Variants in COL14A1 observed in about 807,000 individuals in gnomAD.
COL14A1 encodes the protein collagen type XIV alpha 1 chain.
Under a neutral mutation model 230.3 loss-of-function variants are expected in COL14A1, and 136 were observed. The ratio of observed to expected loss-of-function variants is 0.59; its 90% CI spans 0.51 to 0.68. The LOEUF (loss-of-function observed/expected upper bound fraction) is 0.68. Among genes scored for constraint, COL14A1 ranks in the 30% least tolerant of loss-of-function variants. COL14A1 has a pLI of 0.00. For synonymous variants in COL14A1, 792 were observed against 784.1 expected (o/e 1.01, Z -0.17); for missense variants, 1,976 against 2,215.8 (o/e 0.89, Z 2.17).
At chr8:120,225,602 A>G (rs1368276456) in intron 15 of COL14A1, among the ~76,000 whole-genome samples, 1 of 152,202 alleles carries the variant, frequency 6.6e-6, no homozygotes, top group African/African-American at 2.4e-5. Flanking sequence ...GCCCACAAAA[A>G]TGACAGTCTC....
At chr8:120,167,290 G>C (rs1563647278) in intron 4 of COL14A1, among the ~76,000 whole-genome samples, 1 of 152,170 alleles carries the variant, frequency 6.6e-6, no homozygotes, top group Non-Finnish European at 1.5e-5. Context: ...GGGTGGTTCA[G>C]AGGAAATCAT....
chr8:120,334,341 A>AAAGTATATAAAGT (rs1821977172), intron 42 of COL14A1, among the ~76,000 whole-genome samples: 1 of 151,932 alleles, frequency 6.6e-6, no homozygotes, highest in Non-Finnish European at 1.5e-5. Flanking sequence ...TATCCTTAGT[A>AAAGTATATAAAGT]ATCACTTTAT....
intron 26 of COL14A1, among the ~76,000 whole-genome samples, chr8:120,272,547 A>G (rs1484498197): frequency 6.6e-6 from 1 of 151,700 alleles, no homozygotes; most frequent in Non-Finnish European, 1.5e-5. Flanking sequence ...TCTTTAAGAG[A>G]CTCACCTAAC....
At chr8:120,257,065 T>C (rs1398189975) in intron 23 of COL14A1, among the ~76,000 whole-genome samples, 1 of 152,240 alleles carries the variant, frequency 6.6e-6, no homozygotes, top group Non-Finnish European at 1.5e-5. Context: ...GAGAGTTTTA[T>C]CAGAGGATAT....
chr8:120,350,830 A>G (rs1434988478), intron 45 of COL14A1, among the ~76,000 whole-genome samples: 1 of 151,842 alleles, frequency 6.6e-6, no homozygotes, highest in Non-Finnish European at 1.5e-5. Flanking sequence ...CAGATCAACG[A>G]GACAGAAAGT....
intron 22 of COL14A1, among the ~76,000 whole-genome samples, chr8:120,253,120 A>G (rs1270861903): frequency 6.6e-6 from 1 of 152,108 alleles, no homozygotes; most frequent in Non-Finnish European, 1.5e-5. Flanking sequence ...TTCCTTAGTT[A>G]TACCACAGCA....
rs907087865 is a variant in COL14A1, at chr8:120,285,987, A to G, written c.4077+17A>G. On this transcript the variant is annotated intron_variant, in intron 33 of 47. Coordinates refer to ENST00000297848, the MANE Select transcript of COL14A1 (RefSeq NM_021110.4). ...TTTCACAAGGTTAGTAATGCTTTGT[A>G]TGCATATATTCTTTATTCTATTTGC... The G allele has an allele frequency of 2.3e-6, 3 of 1,300,962 alleles. No individual in the cohort carries two copies. Among genetic ancestry groups the G allele is most frequent in the African/African-American group, 2.9e-5 (2 of 68,624 alleles). 80.6% of individuals were successfully genotyped at this position (1,300,962 alleles called of 1,614,324 possible).
intron 40 of COL14A1, among the ~76,000 whole-genome samples, chr8:120,324,926 T>C (rs1024721246): frequency 2.0e-5 from 3 of 152,076 alleles, no homozygotes; most frequent in Non-Finnish European, 4.4e-5. Flanking sequence ...ACCTAGAAAC[T>C]ATAAACTTTT....
At chr8:120,260,819 A>C (rs893717140) in intron 23 of COL14A1, among the ~76,000 whole-genome samples, 10 of 152,156 alleles carry the variant, frequency 6.6e-5, no homozygotes, top group African/African-American at 1.9e-4. Flanking sequence ...TCTAGCCATC[A>C]TGTTTGTACA....
At position 120,329,115 on chromosome 8, in the gene COL14A1, A is replaced by T. The variant is rs533047879; in HGVS notation, c.4660-3026A>T. On this transcript the variant is annotated intron_variant, in intron 40 of 47. Transcript: ENST00000297848. ...TTCTAAGAACTTCATCTGAGAAATA[A>T]GAATATATTATTATAAACTTATAAA... Among the ~76,000 whole-genome samples the T allele has an allele frequency of 1.9e-3, 285 of 152,336 alleles. 2 individuals are homozygous for T. The highest frequency in any genetic ancestry group is 6.8e-3 in the African/African-American group (281 of 41,572).
chr8:120,250,562 G>T, intron 21 of COL14A1, 55 bp from the exon 22 acceptor site: 11 of 1,570,166 alleles, frequency 7.0e-6, no homozygotes, highest in African/African-American at 1.4e-5. Context: ...ATCTAAGAGT[G>T]CTTCTATTTT....
chr8:120,294,806 G>T (rs1011461212), intron 34 of COL14A1, among the ~76,000 whole-genome samples: 4 of 151,710 alleles, frequency 2.6e-5, no homozygotes, highest in Admixed American at 6.6e-5. Context: ...CAAAGAAAAA[G>T]CTGCTGACAT....
Position 120,273,667 on chromosome 8 carries a change from A to G in COL14A1, c.3213+3493A>G, listed in dbSNP as rs991749793. Among the ~76,000 whole-genome samples the G allele has an allele frequency of 6.6e-5, 10 of 151,722 alleles. 1 individual carries two copies. Among genetic ancestry groups the G allele is most frequent in the Admixed American group, 2.6e-4 (4 of 15,180 alleles). On this transcript the variant is annotated intron_variant, in intron 26 of 47. Transcript: ENST00000297848. ...ATTCAAGACTATTATGAACACCTCT[A>G]TACATAGAAACTACAAAATCTGAAG...
intron 37 of COL14A1, among the ~76,000 whole-genome samples, chr8:120,310,761 C>A (rs1399592326): frequency 1.3e-5 from 2 of 152,186 alleles, no homozygotes; most frequent in African/African-American, 2.4e-5. Context: ...TCACATCTGC[C>A]CCCAGATTAA....
At chr8:120,297,792 A>C (rs528134873) in intron 35 of COL14A1, among the ~76,000 whole-genome samples, 4 of 152,014 alleles carry the variant, frequency 2.6e-5, no homozygotes, top group Non-Finnish European at 5.9e-5. Context: ...TGCCCAACTC[A>C]GAGGGTGCTA....
At chr8:120,140,006 TGACA>T (rs1339356248) in intron 1 of COL14A1, among the ~76,000 whole-genome samples, 2 of 152,060 alleles carry the variant, frequency 1.3e-5, no homozygotes, top group Admixed American at 1.3e-4. Context: ...CCAGCCTGGG[TGACA>T]GACAGAGATC....
chr8:120,257,904 C>G (rs1317696932), intron 23 of COL14A1, among the ~76,000 whole-genome samples: 1 of 152,050 alleles, frequency 6.6e-6, no homozygotes, highest in Non-Finnish European at 1.5e-5. Flanking sequence ...CACTTTTATT[C>G]TGAGATTAAG....
intron 15 of COL14A1, among the ~76,000 whole-genome samples, chr8:120,226,366 A>G (rs948285079): frequency 3.3e-5 from 5 of 152,192 alleles, no homozygotes; most frequent in African/African-American, 4.8e-5. Context: ...AGCCAAATAG[A>G]AAAGCTAAGA....
rs1003166047 is a variant in COL14A1, at chr8:120,263,014, C to T, written c.3016C>T (p.Gln1006Ter). Reference sequence around the variant, plus strand: ...TAGTGTGAGCATAATGGAAAAAACACGTAAGTCATGTGTGTTCTCTCCTGA... The same window carrying T: ...TAGTGTGAGCATAATGGAAAAAACATGTAAGTCATGTGTGTTCTCTCCTGA... ...GPSVSIMEKT[Q>*]SLPTRPPTFP... is the part of the protein sequence containing the mutation. Residue 1006 changes from glutamine (Q) to a stop codon, truncating the protein, a stop_gained and splice_region_variant, in exon 24 of 48, where the codon CAA becomes TAA. Coordinates refer to ENST00000297848, the MANE Select transcript of COL14A1 (RefSeq NM_021110.4). LOFTEE classifies it high-confidence loss of function. 13 of 1,602,374 alleles carry T rather than the reference C, an allele frequency of 8.1e-6. No homozygotes were observed. The highest frequency in any genetic ancestry group is 1.3e-5 in the African/African-American group (1 of 74,234).
Sources: gnomAD v4.1 joint callset for allele counts (sites outside exome capture counted in the v4.1 genomes callset) on GRCh38, gnomAD v4.1.1 for gene constraint, MANE v1.5 for transcripts, NCBI Gene and HGNC (gene_info 2026-07-23, HGNC 2026-07-21) for gene names.